Variants in PSME4 observed in about 807,000 individuals in gnomAD.
The protein encoded by PSME4 is proteasome activator subunit 4.
PSME4 carries 89 observed loss-of-function variants against 253.9 expected under a neutral mutation model. That is an observed-to-expected ratio of 0.35 (90% CI 0.30 to 0.42). The LOEUF (loss-of-function observed/expected upper bound fraction) is 0.42, where lower values mean the gene tolerates loss of function less well. Among genes scored for constraint, PSME4 ranks in the 10% least tolerant of loss-of-function variants. The pLI is 1.00. For missense variants in PSME4, 2,014 were observed against 2,195.2 expected, an observed-to-expected ratio of 0.92 and a Z score of 1.65; for synonymous variants, 851 against 759.2, an observed-to-expected ratio of 1.12 and a Z score of -1.99.
At chr2:53,886,005 A>G (rs1335906189) in intron 40 of PSME4, among the ~76,000 whole-genome samples, 1 of 152,348 alleles carries the variant, frequency 6.6e-6, no homozygotes, top group Non-Finnish European at 1.5e-5. Flanking sequence ...TCCAGAGAGT[A>G]GAAAGACAAC....
chr2:53,945,281 T>C (rs1344846088), intron 3 of PSME4, among the ~76,000 whole-genome samples: 2 of 152,216 alleles, frequency 1.3e-5, no homozygotes, highest in Non-Finnish European at 2.9e-5. Flanking sequence ...AATAAAACCA[T>C]GTCCATAAGA....
chr2:53,913,304 G>A lies in PSME4; in HGVS notation c.2517-3174C>T, dbSNP rs557058431. On this transcript the variant is annotated intron_variant, in intron 20 of 46. Coordinates refer to ENST00000404125, the MANE Select transcript of PSME4 (RefSeq NM_014614.3). ...AACTATAGTATTCGTACCACTAGAT[G>A]GGAATCTTCTTTAGATATGATTAGA... Among the ~76,000 whole-genome samples the A allele has an allele frequency of 1.8e-4, 27 of 152,258 alleles. No homozygotes were observed. In the South Asian group the frequency reaches 5.4e-3, roughly 30 times the overall value.
chr2:53,878,648 C>T (rs139089553), intron 41 of PSME4, among the ~76,000 whole-genome samples: 6,434 of 152,286 alleles, frequency 0.042, 118 homozygotes, highest in Non-Finnish European at 0.059. Flanking sequence ...GGACGGCTGT[C>T]TTTTACAGTC....
At chr2:53,897,811 G>T in intron 31 of PSME4, 59 bp downstream of exon 31, 1 of 1,547,712 alleles carries the variant, frequency 6.5e-7, no homozygotes, top group South Asian at 1.1e-5. Flanking sequence ...AGAATTTAAA[G>T]ACTTCAGGTC....
At chr2:53,881,211 GA>G (rs1231501437) in intron 41 of PSME4, among the ~76,000 whole-genome samples, 4 of 151,986 alleles carry the variant, frequency 2.6e-5, no homozygotes, top group Non-Finnish European at 5.9e-5. Context: ...CCTGATTATT[GA>G]AAAAAATAGT....
At chr2:53,967,303 T>A (rs1670780863) in intron 1 of PSME4, among the ~76,000 whole-genome samples, 1 of 152,078 alleles carries the variant, frequency 6.6e-6, no homozygotes, top group African/African-American at 2.4e-5. Context: ...TCTTCAGAGA[T>A]GTTAAACAGA....
At position 53,910,270 on chromosome 2, in the gene PSME4, G is replaced by C. The variant is rs191730749; in HGVS notation, c.2517-140C>G. The stretch of plus-strand genomic sequence containing the variant: ...GACACAGATTTCCCATCTTCAATGG[G>C]AAAAATCAATCTATCTTTCTCAAGA... On this transcript the variant is annotated intron_variant, in intron 20 of 46. Transcript: ENST00000404125. The C allele has an allele frequency of 1.1e-4, 77 of 686,088 alleles. No homozygotes were observed. In the African/African-American group the frequency reaches 1.3e-3, roughly 12 times the overall value. The allele number at this position is 686,088 out of a possible 1,614,324, so 42.5% of individuals were successfully genotyped here. A position where few individuals can be genotyped will look rare whatever the true frequency, so the allele number is the denominator to read the frequency against.
chr2:53,970,598 C>T lies in PSME4; in HGVS notation c.187G>A (p.Val63Met). Residue 63 changes from valine to methionine, a missense_variant, in exon 1 of 47, where the codon GTG (valine) becomes ATG (methionine). Around this residue, in one of 4 missense-constraint regions of PSME4, gnomAD observed 615 missense variants for 594.4 expected, o/e 1.03. Coordinates refer to ENST00000404125, the MANE Select transcript of PSME4 (RefSeq NM_014614.3). ...AQIKCNLGRA[V>M]QLQELWPGGL... ...CCGGGCCACAGCTCTTGGAGCTGCA[C>T]GGCCCGGCCCAGGTTGCATTTGATC... is the stretch of plus-strand genomic sequence containing the variant. The T allele has an allele frequency of 1.3e-6, 2 of 1,549,490 alleles. No homozygotes were observed. Among genetic ancestry groups the T allele is most frequent in the African/African-American group, 1.4e-5 (1 of 73,146 alleles).
intron 26 of PSME4, among the ~76,000 whole-genome samples, chr2:53,906,166 G>A (rs1680650286): frequency 6.6e-6 from 1 of 152,184 alleles, no homozygotes; most frequent in Non-Finnish European, 1.5e-5. Flanking sequence ...CACAATTCAT[G>A]TGGTAGCAGC....
intron 1 of PSME4, among the ~76,000 whole-genome samples, chr2:53,954,356 T>A (rs914688036): frequency 1.3e-5 from 2 of 150,576 alleles, no homozygotes; most frequent in Non-Finnish European, 3.0e-5. Context: ...AGAAAGACAG[T>A]GGGCTAGGCG....
At chr2:53,900,706 G>A (rs550887123) in intron 28 of PSME4, among the ~76,000 whole-genome samples, 2 of 152,142 alleles carry the variant, frequency 1.3e-5, no homozygotes, top group Non-Finnish European at 2.9e-5. Context: ...TCTAATGACA[G>A]TCGCAAATAG....
chr2:53,926,059 G>A, intron 12 of PSME4, 36 bp from the exon 13 acceptor site: 7 of 1,555,354 alleles, frequency 4.5e-6, no homozygotes, highest in African/African-American at 1.4e-5. Flanking sequence ...ATTACATATA[G>A]CCTTTGTTTT....
At chr2:53,940,896 A>AATATATATAATACATATTTAAAT (rs1420802523) in intron 3 of PSME4, among the ~76,000 whole-genome samples, 1 of 113,668 alleles carries the variant, frequency 8.8e-6, no homozygotes, top group Non-Finnish European at 1.9e-5. Context: ...TACATATTTA[A>AATATATATAATACATATTTAAAT]ATATATATAA....
At position 53,932,708 on chromosome 2, in the gene PSME4, A is replaced by C. The variant is rs1308244501; in HGVS notation, c.1010T>G (p.Ile337Ser). 2 of 1,613,940 alleles carry C rather than the reference A, an allele frequency of 1.2e-6. No individual in the cohort carries two copies. Among genetic ancestry groups the C allele is most frequent in the Non-Finnish European group, 1.7e-6 (2 of 1,179,910 alleles). The stretch of plus-strand genomic sequence containing the variant: ...ATTTGAAGGATGGTAAAAAGATGTG[A>C]TGCTGTTAAACAAACCAGCTAAGTG... ...QKHLAGLFNSITSFYHPSNNG... is the reference protein window; with the variant it reads ...QKHLAGLFNSSTSFYHPSNNG... The change falls in exon 9 of 47, where the codon ATC (isoleucine) becomes AGC (serine). Residue 337 changes from isoleucine to serine, a missense_variant. By Grantham distance (142) the Ile-to-Ser change is moderately radical. Transcript: ENST00000404125.
chr2:53,872,741 CAAAAAAAAAA>C (rs61308177), intron 43 of PSME4, among the ~76,000 whole-genome samples: 10,286 of 48,280 alleles, frequency 0.21, 572 homozygotes, highest in East Asian at 0.43. Context: ...GACTTGGTCT[CAAAAAAAAAA>C]AAAAAAAAAA....
chr2:53,938,072 T>C (rs946087905), intron 4 of PSME4, among the ~76,000 whole-genome samples: 2 of 152,096 alleles, frequency 1.3e-5, no homozygotes, highest in Non-Finnish European at 2.9e-5. Context: ...CTAAACACTA[T>C]GAAGTTGATA....
At chr2:53,868,745 CT>C (rs890316275) in intron 44 of PSME4, among the ~76,000 whole-genome samples, 23 of 151,054 alleles carry the variant, frequency 1.5e-4, no homozygotes, top group African/African-American at 4.6e-4. Flanking sequence ...AGCACTTCCT[CT>C]AAATTCAATA....
chr2:53,943,374 G>T (rs1055538052), intron 3 of PSME4, among the ~76,000 whole-genome samples: 2 of 152,174 alleles, frequency 1.3e-5, no homozygotes, highest in Non-Finnish European at 2.9e-5. Flanking sequence ...CTAGAAGTCA[G>T]TTATACTTGC....
At chr2:53,890,940 T>C (rs765705553) in intron 36 of PSME4, among the ~76,000 whole-genome samples, 2 of 152,118 alleles carry the variant, frequency 1.3e-5, no homozygotes, top group South Asian at 2.1e-4. Flanking sequence ...GGCAGGAGAA[T>C]TGCTTGAACC....
Sources: gnomAD v4.1 joint callset for allele counts (sites outside exome capture counted in the v4.1 genomes callset) on GRCh38, gnomAD v4.1.1 for gene constraint, gnomAD v4.1.1 regional missense constraint, MANE v1.5 for transcripts, NCBI Gene and HGNC (gene_info 2026-07-23, HGNC 2026-07-21) for gene names.